Variants in CSMD1 observed in about 807,000 individuals in gnomAD.
CSMD1 encodes CUB and sushi domain-containing protein 1.
A neutral mutation model predicts 417.5 loss-of-function variants in CSMD1; 213 were observed. The observed-to-expected ratio is 0.51, with a 90% CI of 0.46 to 0.57. The LOEUF is 0.57. Among genes scored for constraint, CSMD1 ranks in the 20% least tolerant of loss-of-function variants. The pLI, the probability that CSMD1 is intolerant of heterozygous loss-of-function variation, is 0.00. For synonymous variants in CSMD1, 2,862 were observed against 1,736.8 expected, an observed-to-expected ratio of 1.65 and a Z score of -16.11; for missense variants, 6,923 against 4,529.7, an observed-to-expected ratio of 1.53 and a Z score of -15.17.
intron 1 of CSMD1, among the ~76,000 whole-genome samples, chr8:4,794,564 G>A (rs1797869878): frequency 6.6e-6 from 1 of 152,090 alleles, no homozygotes; most frequent in South Asian, 2.1e-4. Flanking sequence ...CCTATGTGCT[G>A]AGAGATTCTT....
chr8:3,372,553 G>A (rs1339369030), intron 18 of CSMD1, among the ~76,000 whole-genome samples: 1 of 152,094 alleles, frequency 6.6e-6, no homozygotes, highest in Non-Finnish European at 1.5e-5. Flanking sequence ...TGAAGGTAGA[G>A]CCGGTGGGAC....
At chr8:4,783,307 T>G (rs1050619453) in intron 1 of CSMD1, among the ~76,000 whole-genome samples, 2 of 152,112 alleles carry the variant, frequency 1.3e-5, no homozygotes, top group African/African-American at 4.8e-5. Context: ...GGTAAAACTG[T>G]CCTCCAGCCA....
At chr8:3,228,017 C>G (rs1425072147) in intron 27 of CSMD1, among the ~76,000 whole-genome samples, 1 of 152,156 alleles carries the variant, frequency 6.6e-6, no homozygotes, top group Non-Finnish European at 1.5e-5. Flanking sequence ...ATCTGCCCGC[C>G]TTGGCCTCCT....
intron 3 of CSMD1, among the ~76,000 whole-genome samples, chr8:4,410,178 A>G (rs191666784): frequency 6.6e-6 from 1 of 152,178 alleles, no homozygotes; most frequent in Non-Finnish European, 1.5e-5. Context: ...GGAGAAATTA[A>G]AAGTTTTCTA....
intron 1 of CSMD1, among the ~76,000 whole-genome samples, chr8:4,925,761 A>C (rs917320081): frequency 2.0e-5 from 3 of 151,870 alleles, no homozygotes; most frequent in Non-Finnish European, 4.4e-5. Context: ...GTTGGTCAGG[A>C]TGGTCTCAAA....
At chr8:3,867,810 C>A (rs889395232) in intron 5 of CSMD1, among the ~76,000 whole-genome samples, 1 of 152,220 alleles carries the variant, frequency 6.6e-6, no homozygotes, top group African/African-American at 2.4e-5. Context: ...CACATTCCAA[C>A]TGACCTTCCC....
intron 40 of CSMD1, among the ~76,000 whole-genome samples, chr8:3,143,253 T>C (rs560774528): frequency 2.6e-5 from 4 of 152,222 alleles, no homozygotes; most frequent in Non-Finnish European, 4.4e-5. Flanking sequence ...AACTGGACGG[T>C]CATACCATAG....
chr8:4,316,498 C>G (rs187397030), intron 3 of CSMD1, among the ~76,000 whole-genome samples: 2 of 152,068 alleles, frequency 1.3e-5, no homozygotes, highest in African/African-American at 4.8e-5. Flanking sequence ...TTGCACCAAC[C>G]TATACAAATA....
At chr8:4,366,313 C>A (rs967776024) in intron 3 of CSMD1, among the ~76,000 whole-genome samples, 2 of 150,786 alleles carry the variant, frequency 1.3e-5, no homozygotes, top group African/African-American at 2.4e-5. Flanking sequence ...ACCACATTTT[C>A]TTTAGCCAGT....
chr8:3,307,411 A>G (rs1041543947), intron 25 of CSMD1, among the ~76,000 whole-genome samples: 103 of 28,292 alleles, frequency 3.6e-3, no homozygotes, highest in African/African-American at 9.7e-3. Context: ...CCACGAAGTC[A>G]TGATGTTTTT....
intron 68 of CSMD1, 22 bp downstream of exon 68, chr8:2,949,277 A>G (rs376342606): frequency 5.2e-5 from 71 of 1,378,132 alleles, no homozygotes; most frequent in Non-Finnish European, 6.7e-5. Flanking sequence ...TTGCTTTAAA[A>G]TATATCCTAA....
At chr8:4,967,496 T>A (rs1474920567) in intron 1 of CSMD1, among the ~76,000 whole-genome samples, 1 of 152,184 alleles carries the variant, frequency 6.6e-6, no homozygotes, top group East Asian at 1.9e-4. Flanking sequence ...GTACACACTC[T>A]CATGAAATTA....
chr8:3,547,639 GGTTT>G (rs1563141990), intron 10 of CSMD1, among the ~76,000 whole-genome samples: 1 of 151,760 alleles, frequency 6.6e-6, no homozygotes, highest in African/African-American at 2.4e-5. Context: ...TAATAAAGTG[GGTTT>G]GTAAGTAATA....
rs1800570167 is a variant in CSMD1 at position 4,472,131 on chromosome 8, C to T, written c.303-52066G>A. Among the ~76,000 whole-genome samples, 4 of 152,228 alleles carry T rather than the reference C, an allele frequency of 2.6e-5. No homozygotes were observed. In the South Asian group the frequency reaches 8.3e-4, roughly 32 times the overall value. Reference sequence around the variant, plus strand: ...AATGCTTTAATTCTTTCTTCAATATCGATGTGTCTTGATTGTCATACTTTT... The same window carrying T: ...AATGCTTTAATTCTTTCTTCAATATTGATGTGTCTTGATTGTCATACTTTT... On this transcript the variant is annotated intron_variant, in intron 2 of 69. Transcript: ENST00000635120.
chr8:4,507,318 A>G (rs1802579613), intron 2 of CSMD1, among the ~76,000 whole-genome samples: 1 of 152,214 alleles, frequency 6.6e-6, no homozygotes, highest in Non-Finnish European at 1.5e-5. Context: ...TTGTAAAAGA[A>G]TAATTGTTCA....
At chr8:2,976,447 G>C (rs1269150730) in intron 55 of CSMD1, among the ~76,000 whole-genome samples, 2 of 152,154 alleles carry the variant, frequency 1.3e-5, no homozygotes, top group East Asian at 3.9e-4. Flanking sequence ...CTGGACTCAA[G>C]TGATCCTGCC....
chr8:4,222,080 A>G (rs1801064267), intron 3 of CSMD1, among the ~76,000 whole-genome samples: 2 of 146,908 alleles, frequency 1.4e-5, no homozygotes, highest in South Asian at 4.3e-4. Flanking sequence ...TAGAAAAGCC[A>G]TTAGTGGAAG....
chr8:3,349,899 T>C (rs1808288236), intron 21 of CSMD1, among the ~76,000 whole-genome samples: 1 of 90,432 alleles, frequency 1.1e-5, no homozygotes, highest in African/African-American at 4.0e-5. Context: ...ATTTATAATA[T>C]ATATTTATAT....
intron 3 of CSMD1, among the ~76,000 whole-genome samples, chr8:4,064,925 G>A (rs1739393809): frequency 7.8e-6 from 1 of 127,424 alleles, no homozygotes; most frequent in Non-Finnish European, 1.7e-5. Context: ...ATAGGACCTA[G>A]GCTTAAAAAA....
Sources: allele counts gnomAD v4.1 joint callset (sites outside exome capture counted in the v4.1 genomes callset), GRCh38; gene constraint gnomAD v4.1.1; transcripts MANE v1.5; gene names NCBI Gene and HGNC (gene_info 2026-07-23, HGNC 2026-07-21).